The following ADAMTSL1 variants were observed in gnomAD, a reference collection of about 807,000 sequenced individuals.
ADAMTSL1 encodes ADAMTS-like protein 1.
ADAMTSL1 carries 126 observed loss-of-function variants against 201.8 expected under a neutral mutation model. That is an observed-to-expected ratio of 0.62 (90% CI 0.54 to 0.72). ADAMTSL1 has a LOEUF of 0.72. Among genes scored for constraint, ADAMTSL1 ranks in the 30% least tolerant of loss-of-function variants. The pLI is 0.00. For missense variants in ADAMTSL1, 2,679 were observed against 2,277.8 expected (o/e 1.18, Z -3.59); for synonymous variants, 1,121 against 903.4 (o/e 1.24, Z -4.32).
At chr9:18,420,532 C>T (rs1210564013) in intron 2 of ADAMTSL1, among the ~76,000 whole-genome samples, 1 of 152,174 alleles carries the variant, frequency 6.6e-6, no homozygotes, top group Non-Finnish European at 1.5e-5. Flanking sequence ...CTGTCAGTAC[C>T]TCCAAATATT....
chr9:18,847,777 G>T (rs1377863618), intron 23 of ADAMTSL1, among the ~76,000 whole-genome samples: 2 of 152,218 alleles, frequency 1.3e-5, no homozygotes, highest in Non-Finnish European at 2.9e-5. Flanking sequence ...GCCACAATGA[G>T]GTAACAGAGG....
At chr9:18,423,864 C>T (rs1428956235) in intron 2 of ADAMTSL1, among the ~76,000 whole-genome samples, 2 of 152,196 alleles carry the variant, frequency 1.3e-5, no homozygotes, top group East Asian at 3.9e-4. Context: ...TACATATCTT[C>T]AATCCTAACT....
At chr9:18,844,274 G>A (rs1253393979) in intron 23 of ADAMTSL1, among the ~76,000 whole-genome samples, 2 of 152,174 alleles carry the variant, frequency 1.3e-5, no homozygotes, top group Non-Finnish European at 2.9e-5. Flanking sequence ...TCAGCTGCAG[G>A]TCTGTTGGAG....
intron 1 of ADAMTSL1, among the ~76,000 whole-genome samples, chr9:18,480,105 A>G (rs1011782276): frequency 2.6e-5 from 4 of 152,224 alleles, no homozygotes; most frequent in East Asian, 1.9e-4. Context: ...GTCCTCAGGA[A>G]GAAAACGATA....
chr9:18,636,420 A>C (rs764143363), intron 6 of ADAMTSL1, among the ~76,000 whole-genome samples: 2 of 151,496 alleles, frequency 1.3e-5, no homozygotes, highest in African/African-American at 2.4e-5. Flanking sequence ...ACCTACTTTC[A>C]TGTTTCATTA....
chr9:18,228,309 C>CA, intron 2 of ADAMTSL1, among the ~76,000 whole-genome samples: 1 of 152,282 alleles, frequency 6.6e-6, no homozygotes, highest in Non-Finnish European at 1.5e-5. Context: ...AGGACCAGAA[C>CA]TCTAGCACAT....
intron 19 of ADAMTSL1, among the ~76,000 whole-genome samples, chr9:18,787,340 TGCAGGTGAAGA>T (rs1821765720): frequency 6.6e-6 from 1 of 152,142 alleles, no homozygotes; most frequent in Non-Finnish European, 1.5e-5. Flanking sequence ...TCATGAATCA[TGCAGGTGAAGA>T]GCACTGGAGG....
chr9:18,043,015 A>T (rs1160232650), intron 1 of ADAMTSL1, among the ~76,000 whole-genome samples: 1 of 152,194 alleles, frequency 6.6e-6, no homozygotes, highest in East Asian at 1.9e-4. Flanking sequence ...CTCCTTTGTA[A>T]GACAAAAAGT....
intron 17 of ADAMTSL1, among the ~76,000 whole-genome samples, chr9:18,771,946 C>T (rs750109421): frequency 6.6e-6 from 1 of 152,130 alleles, no homozygotes; most frequent in African/African-American, 2.4e-5. Flanking sequence ...ACTTACATTA[C>T]GACAGGTTTT....
Position 18,574,219 on chromosome 9 carries a change from C to T in ADAMTSL1, c.427C>T (p.Arg143Cys), listed in dbSNP as rs759980544. Residue 143 changes from arginine to cysteine, a missense_variant, in exon 4 of 29, where the codon CGT becomes TGT. Physicochemically the swap from Arg to Cys is radical, Grantham distance 180. Coordinates refer to ENST00000380548, the MANE Select transcript of ADAMTSL1 (RefSeq NM_001040272.6). ...ELAPKVLDGT[R>C]CYTESLDMCI... ...AGCACCTAAGGTCTTAGATGGTACG[C>T]GTTGCTATACAGAATCTTTGGATAT... 5.0e-6 allele frequency: 8 copies of T among 1,614,100 alleles called. No individual in the cohort carries two copies. The highest frequency in any genetic ancestry group is 1.3e-5 in the African/African-American group (1 of 75,026).
chr9:18,719,301 C>A (rs920322841), intron 14 of ADAMTSL1, among the ~76,000 whole-genome samples: 1 of 152,036 alleles, frequency 6.6e-6, no homozygotes, highest in Non-Finnish European at 1.5e-5. Context: ...GTAAAGATAC[C>A]ATCACAGCCA....
chr9:18,471,835 TAA>T (rs558684254), upstream of ADAMTSL1, among the ~76,000 whole-genome samples: 288 of 152,298 alleles, frequency 1.9e-3, 2 homozygotes, highest in Middle Eastern at 3.4e-3. Flanking sequence ...GCATGCCCAT[TAA>T]AACTTCAAGG....
intron 2 of ADAMTSL1, among the ~76,000 whole-genome samples, chr9:18,172,193 G>A (rs10963495): frequency 0.14 from 21,917 of 151,662 alleles, 1,821 homozygotes; most frequent in East Asian, 0.24. Context: ...GGGTTGATGG[G>A]TGCAGCAAAC....
chr9:18,798,507 T>G (rs1241224183), intron 20 of ADAMTSL1, among the ~76,000 whole-genome samples: 1 of 152,214 alleles, frequency 6.6e-6, no homozygotes, highest in Non-Finnish European at 1.5e-5. Context: ...GAATAATACA[T>G]ACAACAAAAG....
intron 2 of ADAMTSL1, among the ~76,000 whole-genome samples, chr9:18,386,196 T>C (rs1425422046): frequency 2.0e-5 from 3 of 152,216 alleles, no homozygotes; most frequent in Admixed American, 6.5e-5. Context: ...AAGAATGTTA[T>C]TTTAAACGAA....
intron 1 of ADAMTSL1, among the ~76,000 whole-genome samples, chr9:18,067,021 A>C (rs2131720377): frequency 6.6e-6 from 1 of 152,256 alleles, no homozygotes; most frequent in African/African-American, 2.4e-5. Flanking sequence ...TAGCATTAGG[A>C]GATATACCTA....
At position 18,857,395 on chromosome 9, in the gene ADAMTSL1, A is replaced by G. The variant is rs554364985; in HGVS notation, c.4249+27418A>G. On this transcript the variant is annotated intron_variant, in intron 23 of 28. Transcript: ENST00000380548. ...AAAACAGTTCCTCGGGCTTCCCTCA[A>G]TTTTTATGACCTTAACGCTTCTGAA... is the stretch of plus-strand genomic sequence containing the variant. Among the ~76,000 whole-genome samples the G allele has an allele frequency of 2.6e-5, 4 of 152,218 alleles. No homozygotes were observed. The South Asian group carries it at 8.3e-4, about 32-fold the overall frequency.
At chr9:18,402,219 T>A (rs1818013143) in intron 2 of ADAMTSL1, among the ~76,000 whole-genome samples, 1 of 152,122 alleles carries the variant, frequency 6.6e-6, no homozygotes, top group Non-Finnish European at 1.5e-5. Context: ...TAACCATTCC[T>A]CTTCTACACC....
chr9:18,274,523 C>T (rs993122551), intron 2 of ADAMTSL1, among the ~76,000 whole-genome samples: 3 of 151,548 alleles, frequency 2.0e-5, no homozygotes, highest in Admixed American at 6.6e-5. Context: ...CATAATACAA[C>T]AGAAATAGGC....
Sources: allele counts gnomAD v4.1 joint callset (sites outside exome capture counted in the v4.1 genomes callset), GRCh38; gene constraint gnomAD v4.1.1; transcripts MANE v1.5; gene names NCBI Gene and HGNC (gene_info 2026-07-23, HGNC 2026-07-21).